DHX37: variants seen among roughly 807,000 people sequenced by gnomAD.
DHX37 encodes the protein probable ATP-dependent RNA helicase DHX37.
Under a neutral mutation model 134.3 loss-of-function variants are expected in DHX37, and 52 were observed. That is an observed-to-expected ratio of 0.39 (90% CI 0.31 to 0.49). The LOEUF (loss-of-function observed/expected upper bound fraction) is 0.49, where lower values mean the gene tolerates loss of function less well. Ranked by LOEUF, DHX37 falls within the 20% of genes least tolerant of loss-of-function variation. The pLI is 0.93. For missense variants in DHX37, 1,344 were observed against 1,580.8 expected (o/e 0.85, Z 2.54); for synonymous variants, 634 against 670.7 (o/e 0.95, Z 0.85).
At chr12:124,952,655 C>T in intron 20 of DHX37, 85 bp from the exon 21 acceptor site, 1 of 1,407,896 alleles carries the variant, frequency 7.1e-7, no homozygotes, top group African/African-American at 1.4e-5. Context: ...CCCAACCATG[C>T]TCAGTGCTCT....
At position 124,956,723 on chromosome 12, in the gene DHX37, C is replaced by A. The variant is rs1414850642; in HGVS notation, c.2421G>T (p.Met807Ile). The A allele has an allele frequency of 6.3e-7, 1 of 1,592,258 alleles. No individual in the cohort carries two copies. The highest frequency in any genetic ancestry group is 1.1e-5 in the South Asian group (1 of 89,782). ...GCTCCTCAAACAGCTCCCGCACCGT[C>A]ATGCTGGCCACGATGGTGATGGCAT... is the stretch of plus-strand genomic sequence containing the variant. ...LPYAITIVAS[M>I]TVRELFEELD... The change falls in exon 18 of 27, where the codon ATG (methionine) becomes ATT (isoleucine). Residue 807 changes from methionine (M) to isoleucine (I), a missense_variant. By Grantham distance (10) the Met-to-Ile change is conservative (BLOSUM62 1). This residue lies in a region of DHX37 where 558 missense variants were observed against 650.0 expected (regional missense o/e 0.86). Transcript: ENST00000308736.
At position 124,987,967 on chromosome 12, in the gene DHX37, C is replaced by T. The variant is rs1366440324; in HGVS notation, c.106+950G>A. ...AGAGATGTTAGGGGATCTGCCTCAA[C>T]TCCCAGCCTGTCTGTGGAACTTTTT... On this transcript the variant is annotated intron_variant, in intron 1 of 26. Coordinates refer to ENST00000308736, the MANE Select transcript of DHX37 (RefSeq NM_032656.4). Among the ~76,000 whole-genome samples, 4 of 149,420 alleles carry T rather than the reference C, an allele frequency of 2.7e-5. No homozygotes were observed. In the Admixed American group the frequency reaches 2.7e-4, roughly 10 times the overall value.
At chr12:124,965,144 G>A (rs1386739860) in intron 13 of DHX37, 138 bp from the exon 14 acceptor site, 2 of 963,270 alleles carry the variant, frequency 2.1e-6, no homozygotes, top group Non-Finnish European at 3.1e-6. Flanking sequence ...CTCCCCTTGG[G>A]ACCAGCCAGG....
chr12:124,984,149 G>A (rs73417961), intron 2 of DHX37, among the ~76,000 whole-genome samples: 5,840 of 152,202 alleles, frequency 0.038, 237 homozygotes, highest in African/African-American at 0.1. Context: ...AGCGGGGGGC[G>A]GCGCGCAAAA....
At chr12:124,968,751 C>A (rs990350238) in intron 9 of DHX37, 103 bp from the exon 10 acceptor site, 3 of 1,598,774 alleles carry the variant, frequency 1.9e-6, no homozygotes. Context: ...TTCTAACACC[C>A]CCTCCAAGCT....
rs948630913 is a variant in DHX37, at chr12:124,968,775, C to T, written c.1293+92G>A. 7 of 1,596,988 alleles carry T rather than the reference C, an allele frequency of 4.4e-6. No individual in the cohort carries two copies. The Admixed American group carries it at 6.9e-5, about 16-fold the overall frequency. ...CCCCTCCAAGCTGCTGTCAATCCCC[C>T]CTGTGACCAAGTGAGGTCTCTCAGG... On this transcript the variant is annotated intron_variant, in intron 9 of 26. Transcript: ENST00000308736.
At chr12:124,983,177 T>C (rs7315254) in intron 2 of DHX37, among the ~76,000 whole-genome samples, 54,861 of 151,824 alleles carry the variant, frequency 0.36, 10,024 homozygotes, top group East Asian at 0.44. Context: ...GGTGCGATCT[T>C]GGCTCACTGC....
Position 124,948,144 on chromosome 12 carries a change from C to T in DHX37, c.3328G>A (p.Val1110Ile). 1 of 1,614,228 alleles carries T rather than the reference C, an allele frequency of 6.2e-7. No individual in the cohort carries two copies. The highest frequency in any genetic ancestry group is 1.1e-5 in the South Asian group (1 of 91,092). Residue 1110 changes from valine to isoleucine, a missense_variant, in exon 26 of 27, where the codon GTT (valine) becomes ATT (isoleucine). Val to Ile is a conservative substitution (Grantham distance 29, BLOSUM62 3). Coordinates refer to ENST00000308736, the MANE Select transcript of DHX37 (RefSeq NM_032656.4). ...PRTESLLRALVAEKADCHEAL... is the reference protein window; with the variant it reads ...PRTESLLRALIAEKADCHEAL... ...TCATGGCAGTCAGCCTTCTCTGCAACCAGGGCTCGCAGAAGGCTCTCCGTA... is the reference window on the plus strand; with the variant it reads ...TCATGGCAGTCAGCCTTCTCTGCAATCAGGGCTCGCAGAAGGCTCTCCGTA...
intron 15 of DHX37, among the ~76,000 whole-genome samples, chr12:124,961,230 A>ACG (rs1566332246): frequency 7.2e-5 from 8 of 111,726 alleles, no homozygotes; most frequent in African/African-American, 4.2e-4. Context: ...ACACGCACGC[A>ACG]CACACACATA....
chr12:124,971,085 C>T (rs990522490), intron 8 of DHX37, among the ~76,000 whole-genome samples: 2 of 152,204 alleles, frequency 1.3e-5, no homozygotes, highest in East Asian at 1.9e-4. Context: ...AGGCTGGCAC[C>T]GGGGCGGTGG....
intron 21 of DHX37, 79 bp downstream of exon 21, chr12:124,952,319 C>A: frequency 6.9e-7 from 1 of 1,459,052 alleles, no homozygotes; most frequent in South Asian, 1.3e-5. Context: ...CAAGCCTCCC[C>A]AGACCCTGAG....
chr12:124,957,273 G>A, intron 16 of DHX37, 138 bp from the exon 17 acceptor site: 4 of 687,752 alleles, frequency 5.8e-6, no homozygotes, highest in Non-Finnish European at 8.5e-6. Flanking sequence ...CAGGGGCCTG[G>A]GGCACTCTCA....
intron 5 of DHX37, 21 bp from the exon 6 acceptor site, chr12:124,975,532 C>A: frequency 6.2e-7 from 1 of 1,610,450 alleles, no homozygotes; most frequent in African/African-American, 1.3e-5. Context: ...AAGAACATGG[C>A]CATCAACAGT....
chr12:124,950,593 C>T (rs775747831), intron 22 of DHX37, 43 bp from the exon 23 acceptor site: 11 of 1,549,350 alleles, frequency 7.1e-6, no homozygotes, highest in East Asian at 6.8e-5. Flanking sequence ...CGGCACCCTC[C>T]GTGGGAGGGG....
chr12:124,977,598 TG>T lies in DHX37; in HGVS notation c.739-109del, dbSNP rs374294134. The stretch of plus-strand genomic sequence containing the variant: ...ATGGGTGCTGAACAGATGTGCCTGC[TG>T]GGGAACAGAGGCCCTGACAGCTGGG... On this transcript the variant is annotated intron_variant, in intron 4 of 26. Transcript: ENST00000308736. 1.0e-3 allele frequency: 1,353 copies of T among 1,311,414 alleles called. 26 individuals are homozygous for T. In the South Asian group the frequency reaches 0.023, roughly 22 times the overall value. 81.2% of individuals were successfully genotyped at this position (1,311,414 alleles called of 1,614,324 possible).
intron 2 of DHX37, among the ~76,000 whole-genome samples, chr12:124,983,799 A>AAAAAG (rs1313810026): frequency 2.6e-5 from 4 of 151,436 alleles, no homozygotes; most frequent in Non-Finnish European, 4.4e-5. Context: ...AAAAAAAAAA[A>AAAAAG]AAAGAACACG....
At chr12:124,968,173 T>A (rs545063817) in intron 10 of DHX37, among the ~76,000 whole-genome samples, 4 of 151,818 alleles carry the variant, frequency 2.6e-5, no homozygotes, top group African/African-American at 7.3e-5. Flanking sequence ...ACGGAGCAGG[T>A]ATGATGGGGA....
At chr12:124,986,367 A>G in intron 1 of DHX37, 102 bp from the exon 2 acceptor site, 1 of 1,267,446 alleles carries the variant, frequency 7.9e-7, no homozygotes. Flanking sequence ...GAGTCTGCAC[A>G]CAGGAACAGG....
chr12:124,958,198 A>G (rs767188275), intron 16 of DHX37, among the ~76,000 whole-genome samples: 2 of 152,194 alleles, frequency 1.3e-5, no homozygotes, highest in African/African-American at 2.4e-5. Flanking sequence ...TGACCCACAC[A>G]CTTTCAATGG....
Sources: allele counts gnomAD v4.1 joint callset (sites outside exome capture counted in the v4.1 genomes callset), GRCh38; gene constraint gnomAD v4.1.1; regional missense constraint gnomAD v4.1.1; transcripts MANE v1.5; gene names NCBI Gene and HGNC (gene_info 2026-07-23, HGNC 2026-07-21).